ST7: variants seen among roughly 807,000 people sequenced by gnomAD.
ST7 encodes the protein suppressor of tumorigenicity 7 protein.
A neutral mutation model predicts 78.7 loss-of-function variants in ST7; 28 were observed. The observed-to-expected ratio is 0.36, with a 90% CI of 0.26 to 0.49. The LOEUF is 0.49. Among genes scored for constraint, ST7 ranks in the 20% least tolerant of loss-of-function variants. ST7 has a pLI of 0.99. For synonymous variants in ST7, 247 were observed against 249.6 expected, an observed-to-expected ratio of 0.99 and a Z score of 0.10; for missense variants, 418 against 696.0, an observed-to-expected ratio of 0.60 and a Z score of 4.49.
At chr7:117,059,512 A>G (rs1584540450) in intron 1 of ST7, among the ~76,000 whole-genome samples, 1 of 152,136 alleles carries the variant, frequency 6.6e-6, no homozygotes, top group African/African-American at 2.4e-5. Context: ...TTGTGTATGT[A>G]ACATATGGAA....
At chr7:117,138,414 G>GT in intron 8 of ST7, 21 bp from the exon 9 acceptor site, 1 of 1,499,966 alleles carries the variant, frequency 6.7e-7, no homozygotes, top group African/African-American at 1.4e-5. Context: ...AAATGTTGGT[G>GT]TTTTATATCT....
chr7:117,139,343 C>T (rs140526983), intron 9 of ST7, among the ~76,000 whole-genome samples: 97 of 152,222 alleles, frequency 6.4e-4, no homozygotes, highest in African/African-American at 2.3e-3. Flanking sequence ...AATTAGAAGG[C>T]ATACATAACT....
At chr7:117,078,759 A>G (rs960423396) in intron 1 of ST7, among the ~76,000 whole-genome samples, 1 of 152,204 alleles carries the variant, frequency 6.6e-6, no homozygotes, top group African/African-American at 2.4e-5. Context: ...CAGTACAATT[A>G]ATAACCACTC....
intron 3 of ST7, among the ~76,000 whole-genome samples, chr7:117,122,242 T>A (rs1159849752): frequency 6.6e-6 from 1 of 152,164 alleles, no homozygotes; most frequent in African/African-American, 2.4e-5. Flanking sequence ...GGGACTGGAT[T>A]GTGACAGAAG....
intron 4 of ST7, 85 bp from the exon 5 acceptor site, chr7:117,130,406 A>G: frequency 1.0e-6 from 1 of 961,916 alleles, no homozygotes. Context: ...AATGGTCTAT[A>G]TTTCAACGCC....
intron 1 of ST7, among the ~76,000 whole-genome samples, chr7:117,014,640 G>A (rs1273858481): frequency 6.6e-6 from 1 of 152,222 alleles, no homozygotes; most frequent in Non-Finnish European, 1.5e-5. Context: ...CTAGGAAGAA[G>A]TATGGATATC....
intron 10 of ST7, among the ~76,000 whole-genome samples, chr7:117,188,444 A>T (rs1158812902): frequency 6.6e-6 from 1 of 152,212 alleles, no homozygotes; most frequent in Non-Finnish European, 1.5e-5. Flanking sequence ...AGTATTAAAT[A>T]CTAACTCCTA....
chr7:117,007,038 A>G (rs1795185990), intron 1 of ST7, among the ~76,000 whole-genome samples: 1 of 152,220 alleles, frequency 6.6e-6, no homozygotes, highest in African/African-American at 2.4e-5. Context: ...AATTAGGCCA[A>G]TTAATAACCC....
chr7:117,021,559 C>T (rs779740520), intron 1 of ST7, among the ~76,000 whole-genome samples: 12 of 152,132 alleles, frequency 7.9e-5, no homozygotes, highest in Non-Finnish European at 1.6e-4. Context: ...TGATTTCTTA[C>T]GAACTTGTAA....
chr7:116,963,896 G>A (rs995030925), intron 1 of ST7, among the ~76,000 whole-genome samples: 2 of 152,102 alleles, frequency 1.3e-5, no homozygotes, highest in Non-Finnish European at 2.9e-5. Flanking sequence ...CTCCCAAAGT[G>A]CTGCGACTTT....
At chr7:117,009,955 A>G (rs1795321918) in intron 1 of ST7, among the ~76,000 whole-genome samples, 1 of 152,198 alleles carries the variant, frequency 6.6e-6, no homozygotes, top group African/African-American at 2.4e-5. Flanking sequence ...CTTTTAAAGC[A>G]TAACAACAAA....
chr7:117,033,842 T>C (rs1280238003), intron 1 of ST7, among the ~76,000 whole-genome samples: 1 of 152,198 alleles, frequency 6.6e-6, no homozygotes, highest in Non-Finnish European at 1.5e-5. Context: ...CTGCACGACC[T>C]TGAGTAGATT....
At chr7:117,152,220 T>C (rs1414996545) in intron 9 of ST7, among the ~76,000 whole-genome samples, 2 of 125,898 alleles carry the variant, frequency 1.6e-5, no homozygotes, top group Non-Finnish European at 3.3e-5. Flanking sequence ...TATATATATA[T>C]ATACCATGAA....
At chr7:117,065,310 G>A (rs1359717026) in intron 1 of ST7, among the ~76,000 whole-genome samples, 1 of 145,530 alleles carries the variant, frequency 6.9e-6, no homozygotes, top group Non-Finnish European at 1.5e-5. Flanking sequence ...CTGGGTTCAC[G>A]CCATTCTCCC....
chr7:117,171,336 TG>T (rs1444877360), intron 10 of ST7, among the ~76,000 whole-genome samples: 2 of 152,116 alleles, frequency 1.3e-5, no homozygotes, highest in Non-Finnish European at 2.9e-5. Flanking sequence ...TTAGAGCTCT[TG>T]CTATAAATCC....
chr7:117,129,251 A>C (rs1348067554), intron 3 of ST7, among the ~76,000 whole-genome samples: 1 of 151,862 alleles, frequency 6.6e-6, no homozygotes, highest in Non-Finnish European at 1.5e-5. Flanking sequence ...TTCTTCCTAC[A>C]ATATGGTAAT....
chr7:117,220,368 C>T (rs1196366078), intron 14 of ST7, among the ~76,000 whole-genome samples: 1 of 152,234 alleles, frequency 6.6e-6, no homozygotes, highest in Non-Finnish European at 1.5e-5. Flanking sequence ...TCTGGTACCT[C>T]ACACATTAGA....
At chr7:117,222,777 C>A in intron 15 of ST7, 2 of 1,053,902 alleles carry the variant, frequency 1.9e-6, no homozygotes, top group Non-Finnish European at 1.5e-6. Context: ...AATTGTTTCC[C>A]TGGAACTCCA....
chr7:116,978,307 C>G (rs761520808), intron 1 of ST7, among the ~76,000 whole-genome samples: 1 of 152,114 alleles, frequency 6.6e-6, no homozygotes, highest in East Asian at 1.9e-4. Context: ...TTTCCTTTTC[C>G]CAGGAGGCAC....
Sources: gnomAD v4.1 joint callset for allele counts (sites outside exome capture counted in the v4.1 genomes callset) on GRCh38, gnomAD v4.1.1 for gene constraint, MANE v1.5 for transcripts, NCBI Gene and HGNC (gene_info 2026-07-23, HGNC 2026-07-21) for gene names.